The following KLHL29 variants were observed in gnomAD, a reference collection of about 807,000 sequenced individuals.
KLHL29 encodes kelch like family member 29.
In KLHL29, 21 loss-of-function variants were observed where a neutral mutation model predicts 80.4. That is an observed-to-expected ratio of 0.26 (90% CI 0.19 to 0.38). The LOEUF is 0.38. Ranked by LOEUF, KLHL29 falls within the 10% of genes least tolerant of loss-of-function variation. KLHL29 has a pLI of 1.00. For synonymous variants in KLHL29, 511 were observed against 526.8 expected, an observed-to-expected ratio of 0.97 and a Z score of 0.41; for missense variants, 867 against 1,223.9, an observed-to-expected ratio of 0.71 and a Z score of 4.35.
At chr2:23,402,635 G>A (rs559630947) in intron 1 of KLHL29, among the ~76,000 whole-genome samples, 1 of 152,204 alleles carries the variant, frequency 6.6e-6, no homozygotes, top group East Asian at 1.9e-4. Flanking sequence ...TCACAGGTGT[G>A]TTTGGGCACT....
intron 2 of KLHL29, among the ~76,000 whole-genome samples, chr2:23,533,866 C>T (rs536079402): frequency 6.6e-6 from 1 of 151,758 alleles, no homozygotes; most frequent in South Asian, 2.1e-4. Context: ...AGACTGCTTT[C>T]AGAAAAAACA....
chr2:23,432,216 G>T (rs2103408981), intron 1 of KLHL29, among the ~76,000 whole-genome samples: 1 of 152,316 alleles, frequency 6.6e-6, no homozygotes, highest in East Asian at 1.9e-4. Context: ...TACCTTTCAT[G>T]TCAATGGTTG....
At chr2:23,521,073 C>T (rs1666087389) in intron 2 of KLHL29, among the ~76,000 whole-genome samples, 1 of 150,218 alleles carries the variant, frequency 6.7e-6, no homozygotes, top group South Asian at 2.1e-4. Flanking sequence ...ACGTACATAA[C>T]CGGATGGCTA....
At chr2:23,615,887 T>C (rs1267449131) in intron 3 of KLHL29, among the ~76,000 whole-genome samples, 1 of 152,172 alleles carries the variant, frequency 6.6e-6, no homozygotes, top group Non-Finnish European at 1.5e-5. Context: ...TGCCTATGTC[T>C]GTCCCCTGTC....
chr2:23,569,530 C>T (rs1667666887), intron 3 of KLHL29, among the ~76,000 whole-genome samples: 1 of 151,844 alleles, frequency 6.6e-6, no homozygotes, highest in African/African-American at 2.4e-5. Context: ...TTTTTTTTCC[C>T]TTGAGAAAGG....
chr2:23,461,841 TG>T (rs1355372129), intron 1 of KLHL29, among the ~76,000 whole-genome samples: 1 of 152,062 alleles, frequency 6.6e-6, no homozygotes, highest in Non-Finnish European at 1.5e-5. Flanking sequence ...TTAATTGCGG[TG>T]GTTCCCTGCT....
chr2:23,628,780 T>C (rs927655606), intron 3 of KLHL29, among the ~76,000 whole-genome samples: 3 of 152,214 alleles, frequency 2.0e-5, no homozygotes, highest in Non-Finnish European at 2.9e-5. Flanking sequence ...CAGGGGACTT[T>C]TCCTCACCAG....
At chr2:23,641,676 G>T (rs1317329398) in intron 4 of KLHL29, among the ~76,000 whole-genome samples, 1 of 152,210 alleles carries the variant, frequency 6.6e-6, no homozygotes, top group African/African-American at 2.4e-5. Flanking sequence ...GAAGAATGAG[G>T]CTCAGAGGAA....
intron 5 of KLHL29, among the ~76,000 whole-genome samples, chr2:23,664,178 G>A (rs867599533): frequency 6.6e-5 from 10 of 152,188 alleles, no homozygotes; most frequent in South Asian, 4.2e-4. Context: ...ACCTCCCATC[G>A]GAACGTTTTA....
chr2:23,639,695 G>A (rs766388337), intron 4 of KLHL29, among the ~76,000 whole-genome samples: 1 of 152,074 alleles, frequency 6.6e-6, no homozygotes. Flanking sequence ...TCGCCAGCTT[G>A]TACAACATCC....
At chr2:23,469,366 C>G (rs1268262688) in intron 1 of KLHL29, among the ~76,000 whole-genome samples, 6 of 152,226 alleles carry the variant, frequency 3.9e-5, no homozygotes, top group African/African-American at 1.4e-4. Context: ...GCCTGCCCGT[C>G]AGGGAATCAG....
intron 3 of KLHL29, among the ~76,000 whole-genome samples, chr2:23,563,280 T>C (rs1037394561): frequency 6.6e-6 from 1 of 152,244 alleles, no homozygotes; most frequent in Non-Finnish European, 1.5e-5. Context: ...TCCATCGTGC[T>C]GGCTGCTCGG....
At chr2:23,547,143 G>A (rs529395067) in intron 2 of KLHL29, among the ~76,000 whole-genome samples, 9 of 152,288 alleles carry the variant, frequency 5.9e-5, no homozygotes, top group East Asian at 5.8e-4. Flanking sequence ...GTCTCTGCCC[G>A]TTTACATCAC....
At chr2:23,456,661 C>T (rs944262905) in intron 1 of KLHL29, among the ~76,000 whole-genome samples, 15 of 152,254 alleles carry the variant, frequency 9.9e-5, no homozygotes, top group African/African-American at 3.6e-4. Context: ...TTTTCTGTTC[C>T]TGCCACATTG....
intron 3 of KLHL29, among the ~76,000 whole-genome samples, chr2:23,582,096 C>T (rs1300483275): frequency 2.0e-5 from 3 of 152,140 alleles, no homozygotes; most frequent in South Asian, 4.1e-4. Context: ...CAAAACAGCT[C>T]CTATCAGCCT....
At chr2:23,416,988 C>T (rs1666993393) in intron 1 of KLHL29, among the ~76,000 whole-genome samples, 1 of 152,190 alleles carries the variant, frequency 6.6e-6, no homozygotes, top group South Asian at 2.1e-4. Context: ...TTTCCCAACC[C>T]CAGCCCAAAT....
intron 2 of KLHL29, among the ~76,000 whole-genome samples, chr2:23,556,228 G>C (rs1023090132): frequency 6.6e-6 from 1 of 152,164 alleles, no homozygotes; most frequent in Non-Finnish European, 1.5e-5. Flanking sequence ...CTCCAGACTT[G>C]AATCTGGGCT....
At position 23,457,906 on chromosome 2, in the gene KLHL29, G is replaced by A. The variant is rs952206244; in HGVS notation, c.-153-17654G>A. ...CGGGCACCTGTAATCCCAGCTACTC[G>A]GGAGGTTGAGGCAGGAGAATGGCAT... On this transcript the variant is annotated intron_variant, in intron 1 of 13. Coordinates refer to ENST00000486442, the MANE Select transcript of KLHL29 (RefSeq NM_052920.2). The surrounding 1 kb of genome is among the most constrained non-coding windows in gnomAD (Gnocchi z 4.3). Among the ~76,000 whole-genome samples, 10 of 152,108 alleles carry A rather than the reference G, an allele frequency of 6.6e-5. No homozygotes were observed. The highest frequency in any genetic ancestry group is 2.1e-4 in the South Asian group (1 of 4,830).
intron 3 of KLHL29, among the ~76,000 whole-genome samples, chr2:23,626,677 G>A (rs879864603): frequency 2.6e-5 from 4 of 152,220 alleles, no homozygotes; most frequent in Non-Finnish European, 5.9e-5. Flanking sequence ...GAGGGGGGCC[G>A]CGTTCCTTGT....
Sources: gnomAD v4.1 joint callset for allele counts (sites outside exome capture counted in the v4.1 genomes callset) on GRCh38, gnomAD v4.1.1 for gene constraint, Gnocchi (gnomAD v3.1) non-coding constraint, MANE v1.5 for transcripts, NCBI Gene and HGNC (gene_info 2026-07-23, HGNC 2026-07-21) for gene names.